The following MAPRE2 variants were observed in gnomAD, a reference collection of about 807,000 sequenced individuals.
MAPRE2 encodes the protein microtubule associated protein RP/EB family member 2.
Under a neutral mutation model 43.2 loss-of-function variants are expected in MAPRE2, and 13 were observed. The ratio of observed to expected loss-of-function variants is 0.30; its 90% CI spans 0.20 to 0.48. The LOEUF is 0.48. Among genes scored for constraint, MAPRE2 ranks in the 20% least tolerant of loss-of-function variants. The pLI is 0.99. For missense variants in MAPRE2, 161 were observed against 400.2 expected (o/e 0.40, Z 5.10); for synonymous variants, 135 against 148.8 (o/e 0.91, Z 0.68).
In MAPRE2 at chr18:35,041,608, C is replaced by T. The variant is rs868138673; in HGVS notation, c.69C>T (p.Asn23=). The change falls in exon 1 of 7, where the codon AAC becomes AAT. Residue 23 remains asparagine (N), a synonymous_variant. Transcript: ENST00000300249. ...ENNNDIIQDN[N]GTIIPFRKHT... Reference sequence around the variant, plus strand: ...ACAACGACATCATCCAGGATAATAACGGGACCATCATTCCTTTCCGGAAGC... The same window carrying T: ...ACAACGACATCATCCAGGATAATAATGGGACCATCATTCCTTTCCGGAAGC... 2 of 1,614,240 alleles carry T rather than the reference C, an allele frequency of 1.2e-6. No homozygotes were observed. The highest frequency in any genetic ancestry group is 1.3e-5 in the African/African-American group (1 of 75,064).
At chr18:35,057,509 T>TGC (rs1555914300) in intron 1 of MAPRE2, among the ~76,000 whole-genome samples, 2 of 148,372 alleles carry the variant, frequency 1.3e-5, no homozygotes, top group African/African-American at 4.9e-5. Context: ...AGTGTGTGCG[T>TGC]GTGTGTGTGT....
chr18:35,069,274 A>G (rs1327646792), intron 1 of MAPRE2, among the ~76,000 whole-genome samples: 1 of 152,248 alleles, frequency 6.6e-6, no homozygotes, highest in Admixed American at 6.5e-5. Context: ...TATGAACCTT[A>G]TATGAATCCA....
At chr18:35,028,482 G>A (rs191520775) in intron 2 of MAPRE2, among the ~76,000 whole-genome samples, 5 of 152,118 alleles carry the variant, frequency 3.3e-5, no homozygotes, top group Admixed American at 1.3e-4. Context: ...TAATTCCCCA[G>A]TACTAACTTT....
chr18:35,061,095 TC>T (rs11331025), intron 1 of MAPRE2, among the ~76,000 whole-genome samples: 95,629 of 151,994 alleles, frequency 0.63, 30,105 homozygotes, highest in East Asian at 0.84. Context: ...CGTTAGGAGT[TC>T]TGATTGTCAG....
At chr18:35,003,567 TG>T (rs34885911) in intron 1 of MAPRE2, among the ~76,000 whole-genome samples, 95,428 of 152,032 alleles carry the variant, frequency 0.63, 30,595 homozygotes, top group East Asian at 0.7. Context: ...AACCTAGCAA[TG>T]GACCGTTGTC....
chr18:35,007,511 T>C (rs1028807450), intron 2 of MAPRE2, among the ~76,000 whole-genome samples: 14 of 152,254 alleles, frequency 9.2e-5, no homozygotes, highest in African/African-American at 3.4e-4. Context: ...CAACTCATTG[T>C]AGTGTGAAAA....
intron 1 of MAPRE2, among the ~76,000 whole-genome samples, chr18:34,985,099 A>T (rs1424888633): frequency 1.1e-5 from 1 of 88,812 alleles, no homozygotes; most frequent in African/African-American, 4.7e-5. Context: ...TATATTATAT[A>T]ATATATAAAT....
intron 1 of MAPRE2, among the ~76,000 whole-genome samples, chr18:35,003,966 T>C (rs75869481): frequency 0.011 from 1,740 of 152,364 alleles, 14 homozygotes; most frequent in Non-Finnish European, 0.019. Context: ...GTAGTCAATA[T>C]ATCTTAATTT....
At chr18:35,121,773 G>T (rs1248200099) in intron 4 of MAPRE2, among the ~76,000 whole-genome samples, 1 of 152,204 alleles carries the variant, frequency 6.6e-6, no homozygotes, top group African/African-American at 2.4e-5. Flanking sequence ...ATGGAGTGGG[G>T]CATTCTGGGA....
At chr18:35,124,040 A>AG (rs1414884621) in intron 4 of MAPRE2, among the ~76,000 whole-genome samples, 3 of 152,188 alleles carry the variant, frequency 2.0e-5, no homozygotes, top group Non-Finnish European at 4.4e-5. Flanking sequence ...GGGGACAGGA[A>AG]GGAGGCAGAG....
chr18:35,022,371 C>T (rs2097042424), intron 2 of MAPRE2, among the ~76,000 whole-genome samples: 1 of 148,036 alleles, frequency 6.8e-6, no homozygotes, highest in African/African-American at 2.5e-5. Flanking sequence ...ATGGTTTATA[C>T]TTAGACCTAG....
intron 2 of MAPRE2, among the ~76,000 whole-genome samples, chr18:35,031,735 G>A (rs550565876): frequency 2.0e-5 from 3 of 152,312 alleles, no homozygotes; most frequent in East Asian, 3.9e-4. Context: ...TAGCAAGTAT[G>A]AGACTTAAAA....
intron 1 of MAPRE2, among the ~76,000 whole-genome samples, chr18:35,067,170 T>C (rs1006372126): frequency 2.0e-5 from 3 of 152,196 alleles, no homozygotes; most frequent in African/African-American, 7.2e-5. Flanking sequence ...TTGAGTGGTA[T>C]GCCTGGTAAC....
chr18:35,045,539 C>G (rs2150601138), intron 1 of MAPRE2, among the ~76,000 whole-genome samples: 1 of 152,182 alleles, frequency 6.6e-6, no homozygotes, highest in South Asian at 2.1e-4. Context: ...TCCAGCTTTG[C>G]CAGTTTTAAA....
chr18:35,030,190 C>T (rs1420416220), intron 2 of MAPRE2, among the ~76,000 whole-genome samples: 1 of 152,210 alleles, frequency 6.6e-6, no homozygotes, highest in African/African-American at 2.4e-5. Context: ...TTCAATCTCT[C>T]ACCCTCATGG....
At chr18:34,978,176 CTGAT>C in intron 1 of MAPRE2, 1 of 380,802 alleles carries the variant, frequency 2.6e-6, no homozygotes, top group Non-Finnish European at 4.8e-6. Flanking sequence ...TGTCCCCTCC[CTGAT>C]TGTCTTCTCT....
intron 2 of MAPRE2, among the ~76,000 whole-genome samples, chr18:35,010,093 T>A (rs1329013667): frequency 6.6e-6 from 1 of 152,326 alleles, no homozygotes; most frequent in South Asian, 2.1e-4. Context: ...CAATTTTTAA[T>A]TAAAATTTTA....
chr18:35,063,674 A>G (rs1425191402), intron 1 of MAPRE2, among the ~76,000 whole-genome samples: 1 of 152,030 alleles, frequency 6.6e-6, no homozygotes, highest in East Asian at 1.9e-4. Context: ...GAAGTTTGGT[A>G]AACTCAGACT....
chr18:35,039,200 T>A (rs1427488251), upstream of MAPRE2, among the ~76,000 whole-genome samples: 3 of 152,238 alleles, frequency 2.0e-5, no homozygotes, highest in Non-Finnish European at 4.4e-5. Context: ...AAATATTTGA[T>A]TTGTAGACTG....
Sources: gnomAD v4.1 joint callset for allele counts (sites outside exome capture counted in the v4.1 genomes callset) on GRCh38, gnomAD v4.1.1 for gene constraint, MANE v1.5 for transcripts, NCBI Gene and HGNC (gene_info 2026-07-23, HGNC 2026-07-21) for gene names.